Variants in ITPRID1 observed in about 807,000 individuals in gnomAD.
ITPRID1 encodes the protein protein ITPRID1.
ITPRID1 carries 96 observed loss-of-function variants against 95.4 expected under a neutral mutation model. The observed-to-expected ratio is 1.01, with a 90% CI of 0.85 to 1.19. The LOEUF is 1.19. Ranked by LOEUF, ITPRID1 falls within the 50% of genes most tolerant of loss-of-function variation. The pLI, the probability that ITPRID1 is intolerant of heterozygous loss-of-function variation, is 0.00. For missense variants in ITPRID1, 1,339 were observed against 1,252.9 expected (o/e 1.07, Z -1.04); for synonymous variants, 510 against 453.6 (o/e 1.12, Z -1.58).
At chr7:31,594,771 C>T (rs1228912686) in intron 10 of ITPRID1, among the ~76,000 whole-genome samples, 5 of 151,872 alleles carry the variant, frequency 3.3e-5, no homozygotes, top group South Asian at 2.1e-4. Context: ...GCAGAAGAAT[C>T]GCTCGAACTT....
intron 5 of ITPRID1, among the ~76,000 whole-genome samples, chr7:31,556,995 G>A (rs1227585587): frequency 6.6e-6 from 1 of 151,826 alleles, no homozygotes; most frequent in African/African-American, 2.4e-5. Flanking sequence ...CTCAGTGTTC[G>A]TTGGCTTGCA....
intron 1 of ITPRID1, among the ~76,000 whole-genome samples, chr7:31,544,754 A>C (rs1027320333): frequency 1.3e-5 from 2 of 152,150 alleles, no homozygotes; most frequent in African/African-American, 4.8e-5. Flanking sequence ...GATATCATTG[A>C]ATCTATTGAT....
At chr7:31,604,111 A>G (rs969637618) in intron 10 of ITPRID1, among the ~76,000 whole-genome samples, 1 of 152,212 alleles carries the variant, frequency 6.6e-6, no homozygotes, top group Non-Finnish European at 1.5e-5. Context: ...TCTGTCAGCT[A>G]AGGGCTGCTG....
chr7:31,544,445 T>C (rs1460584946), intron 1 of ITPRID1, among the ~76,000 whole-genome samples: 1 of 152,162 alleles, frequency 6.6e-6, no homozygotes, highest in Non-Finnish European at 1.5e-5. Flanking sequence ...AAATTTATGC[T>C]GTAAAGGTTC....
At chr7:31,573,415 A>T (rs954394909) in intron 7 of ITPRID1, among the ~76,000 whole-genome samples, 1 of 152,142 alleles carries the variant, frequency 6.6e-6, no homozygotes, top group African/African-American at 2.4e-5. Flanking sequence ...GAAAAAAAAG[A>T]AAGTGTGAAC....
chr7:31,631,485 TTTTA>T (rs1174305245), intron 10 of ITPRID1, among the ~76,000 whole-genome samples: 2 of 152,252 alleles, frequency 1.3e-5, no homozygotes, highest in Non-Finnish European at 2.9e-5. Context: ...GATCTTTATT[TTTTA>T]TTTATGATTT....
At chr7:31,580,484 G>A (rs545476077) in intron 9 of ITPRID1, among the ~76,000 whole-genome samples, 1 of 152,114 alleles carries the variant, frequency 6.6e-6, no homozygotes, top group South Asian at 2.1e-4. Context: ...AAATGTCAGA[G>A]TATAGGGATA....
intron 10 of ITPRID1, among the ~76,000 whole-genome samples, chr7:31,606,462 AG>A (rs1242380814): frequency 6.6e-6 from 1 of 151,602 alleles, no homozygotes; most frequent in Non-Finnish European, 1.5e-5. Context: ...AGAAAACGAG[AG>A]AGAGAGAGAG....
chr7:31,605,137 C>A (rs201886840), intron 10 of ITPRID1, among the ~76,000 whole-genome samples: 13 of 146,542 alleles, frequency 8.9e-5, no homozygotes, highest in African/African-American at 1.0e-4. Context: ...GACCCCATCT[C>A]AAAAAAAAAA....
chr7:31,640,599 G>A (rs1426214738), intron 10 of ITPRID1, among the ~76,000 whole-genome samples: 1 of 151,936 alleles, frequency 6.6e-6, no homozygotes, highest in Non-Finnish European at 1.5e-5. Context: ...TGTTTCTCAA[G>A]GACTGCTGTC....
intron 1 of ITPRID1, chr7:31,529,652 A>G (rs1783530988): frequency 1.2e-6 from 1 of 837,974 alleles, no homozygotes; most frequent in South Asian, 1.8e-5. Flanking sequence ...ACTTTTAAAT[A>G]GGAGCAGACA....
At chr7:31,585,918 C>T (rs926545473) in intron 10 of ITPRID1, among the ~76,000 whole-genome samples, 1 of 150,028 alleles carries the variant, frequency 6.7e-6, no homozygotes, top group Admixed American at 6.6e-5. Context: ...ATACATGTGC[C>T]ATGCTGGTGC....
At chr7:31,615,507 T>C (rs1313186454) in intron 10 of ITPRID1, among the ~76,000 whole-genome samples, 2 of 152,194 alleles carry the variant, frequency 1.3e-5, no homozygotes, top group Non-Finnish European at 1.5e-5. Context: ...AATTCTCTTA[T>C]GCTATTTCTG....
At chr7:31,523,494 G>A (rs1043428396) in intron 1 of ITPRID1, among the ~76,000 whole-genome samples, 3 of 152,202 alleles carry the variant, frequency 2.0e-5, no homozygotes, top group Non-Finnish European at 4.4e-5. Context: ...GATTGATATA[G>A]ATTGAATACT....
intron 10 of ITPRID1, among the ~76,000 whole-genome samples, chr7:31,631,022 A>G (rs1681109956): frequency 6.6e-6 from 1 of 152,188 alleles, no homozygotes; most frequent in African/African-American, 2.4e-5. Context: ...TTATTAACTC[A>G]AGAAGTAGGT....
intron 10 of ITPRID1, among the ~76,000 whole-genome samples, chr7:31,611,466 T>C (rs1472231579): frequency 2.0e-5 from 3 of 151,876 alleles, no homozygotes; most frequent in East Asian, 3.9e-4. Flanking sequence ...TTGTCTAGTG[T>C]TTTTTCACTC....
intron 1 of ITPRID1, chr7:31,529,695 G>A: frequency 7.6e-7 from 1 of 1,318,578 alleles, no homozygotes; most frequent in Admixed American, 2.0e-5. Flanking sequence ...AGTCACAAGG[G>A]CTTTGTAGTC....
In ITPRID1 at chr7:31,545,905, A is replaced by G. The variant is rs139669224; in HGVS notation, c.-97-3521A>G. 2.9e-4 allele frequency among the ~76,000 whole-genome samples: 44 copies of G among 152,222 alleles called. No homozygotes were observed. In the East Asian group the frequency reaches 8.3e-3, roughly 29 times the overall value. ...GGATAGGGAGGGAGAGCAGAAGGAC[A>G]TTCCTGGCTTGATTTTGTTGCTTCA... On this transcript the variant is annotated intron_variant, in intron 1 of 14. Coordinates refer to ENST00000615280, the MANE Select transcript of ITPRID1 (RefSeq NM_001257967.3).
chr7:31,553,219 A>C, intron 3 of ITPRID1, 32 bp downstream of exon 3: 1 of 1,535,536 alleles, frequency 6.5e-7, no homozygotes, highest in Admixed American at 2.0e-5. Context: ...ATTTGAAAAC[A>C]TTCCTCTGTG....
Sources: allele counts gnomAD v4.1 joint callset (sites outside exome capture counted in the v4.1 genomes callset), GRCh38; gene constraint gnomAD v4.1.1; transcripts MANE v1.5; gene names NCBI Gene and HGNC (gene_info 2026-07-23, HGNC 2026-07-21).